The following RADX variants were observed in gnomAD, a reference collection of about 807,000 sequenced individuals.
The protein encoded by RADX is RPA-related protein RADX.
Under a neutral mutation model 61.6 loss-of-function variants are expected in RADX, and 36 were observed. The observed-to-expected ratio is 0.58, with a 90% CI of 0.45 to 0.77. The LOEUF (loss-of-function observed/expected upper bound fraction) is 0.77, where lower values mean the gene tolerates loss of function less well. Ranked by LOEUF, RADX falls within the 30% of genes least tolerant of loss-of-function variation. The pLI, the probability that RADX is intolerant of heterozygous loss-of-function variation, is 0.00. For missense variants in RADX, 497 were observed against 651.1 expected, an observed-to-expected ratio of 0.76 and a Z score of 2.58; for synonymous variants, 272 against 237.9, an observed-to-expected ratio of 1.14 and a Z score of -1.32.
intron 11 of RADX, among the ~76,000 whole-genome samples, chrX:106,652,444 T>C (rs189764868): frequency 5.7e-4 from 63 of 111,262 alleles, no homozygotes; most frequent in African/African-American, 2.0e-3. Context: ...GGTATAGCAA[T>C]ATTCATATGA....
chrX:106,667,634 G>GT (rs1269545422), intron 12 of RADX, among the ~76,000 whole-genome samples: 2 of 111,371 alleles, frequency 1.8e-5, no homozygotes, highest in African/African-American at 6.5e-5. Flanking sequence ...CAGAACTCTA[G>GT]TTTTAATCAA....
At chrX:106,633,051 A>G in intron 5 of RADX, 28 bp downstream of exon 5, 1 of 1,181,382 alleles carries the variant, frequency 8.5e-7, no homozygotes, top group Non-Finnish European at 1.2e-6. Context: ...AAAATCATAA[A>G]AAGTATTTCA....
At chrX:106,621,233 T>C (rs1175349649) in intron 1 of RADX, among the ~76,000 whole-genome samples, 4 of 112,238 alleles carry the variant, frequency 3.6e-5, no homozygotes, top group African/African-American at 6.5e-5. Flanking sequence ...TGGGAGAATC[T>C]GGAAGGAAAA....
chrX:106,621,539 A>G (rs1926941073), intron 1 of RADX, among the ~76,000 whole-genome samples: 1 of 112,294 alleles, frequency 8.9e-6, no homozygotes, highest in Non-Finnish European at 1.9e-5. Flanking sequence ...ATACATCAGT[A>G]TTACAAATTA....
intron 3 of RADX, among the ~76,000 whole-genome samples, chrX:106,629,180 T>A (rs985990988): frequency 9.0e-6 from 1 of 111,564 alleles, no homozygotes; most frequent in Non-Finnish European, 1.9e-5. Flanking sequence ...CAACAAGAAT[T>A]TTTGATTTTG....
chrX:106,655,274 C>T (rs920260505), intron 11 of RADX, among the ~76,000 whole-genome samples: 1 of 107,644 alleles, frequency 9.3e-6, no homozygotes, highest in East Asian at 2.9e-4. Context: ...TTGCCTTATG[C>T]TGATGGCTGT....
At chrX:106,664,953 C>A (rs1928193238) in intron 12 of RADX, among the ~76,000 whole-genome samples, 1 of 111,550 alleles carries the variant, frequency 9.0e-6, no homozygotes, top group African/African-American at 3.3e-5. Flanking sequence ...ACTTCAAGTA[C>A]TATCTGTATT....
chrX:106,673,089 C>T (rs778475150), intron 13 of RADX, among the ~76,000 whole-genome samples: 4 of 111,880 alleles, frequency 3.6e-5, no homozygotes, highest in Non-Finnish European at 7.5e-5. Flanking sequence ...GTCCTGGAAT[C>T]GGGAACCCCA....
chrX:106,653,686 A>C (rs992194857), intron 11 of RADX, among the ~76,000 whole-genome samples: 1 of 110,276 alleles, frequency 9.1e-6, no homozygotes, highest in African/African-American at 3.3e-5. Flanking sequence ...TCCCTCCCCT[A>C]GCCCCCAACA....
chrX:106,626,347 T>C (rs1343800738), intron 3 of RADX, among the ~76,000 whole-genome samples: 2 of 112,145 alleles, frequency 1.8e-5, no homozygotes, highest in African/African-American at 6.5e-5. Context: ...AAAAACCTTA[T>C]ATGATTATTT....
At chrX:106,643,082 T>C (rs1927562173) in intron 10 of RADX, among the ~76,000 whole-genome samples, 1 of 111,494 alleles carries the variant, frequency 9.0e-6, no homozygotes, top group Non-Finnish European at 1.9e-5. Flanking sequence ...TGATGATCAG[T>C]GATGTTGAGC....
chrX:106,674,972 C>T (rs983444035), intron 13 of RADX, among the ~76,000 whole-genome samples: 1 of 104,899 alleles, frequency 9.5e-6, no homozygotes, highest in Non-Finnish European at 2.0e-5. Flanking sequence ...TGCAGTGAGC[C>T]GAGATCTCAC....
At chrX:106,668,989 A>G (rs1192514451) in intron 12 of RADX, among the ~76,000 whole-genome samples, 174 bp from the exon 13 acceptor site, 1 of 111,988 alleles carries the variant, frequency 8.9e-6, no homozygotes, top group Non-Finnish European at 1.9e-5. Context: ...TCTTTCAACA[A>G]ATACCATGTA....
At chrX:106,662,369 G>T in intron 12 of RADX, 64 bp downstream of exon 12, 4 of 1,038,558 alleles carry the variant, frequency 3.9e-6, no homozygotes, top group Non-Finnish European at 5.1e-6. Context: ...CTACTATTTC[G>T]CTTTAAAAAT....
intron 10 of RADX, among the ~76,000 whole-genome samples, chrX:106,642,545 A>G (rs1927543476): frequency 9.0e-6 from 1 of 111,607 alleles, no homozygotes; most frequent in South Asian, 3.7e-4. Context: ...ACTTAACATA[A>G]TGATCTCCAG....
intron 11 of RADX, among the ~76,000 whole-genome samples, chrX:106,654,837 T>A (rs1358554651): frequency 9.0e-6 from 1 of 111,374 alleles, no homozygotes; most frequent in Admixed American, 9.6e-5. Context: ...TGGGAGAAAA[T>A]TTTTGCAATG....
rs747153947 is a variant in RADX, at chrX:106,668,589, C to A, written c.2270-574C>A. ...ATCTACCCCAACTGACATTGACCCACATAAAAAGATGACAGCCAAAGGTCA... is the reference window on the plus strand; with the variant it reads ...ATCTACCCCAACTGACATTGACCCAAATAAAAAGATGACAGCCAAAGGTCA... On this transcript the variant is annotated intron_variant, in intron 12 of 13. Coordinates refer to ENST00000372548, the MANE Select transcript of RADX (RefSeq NM_018015.6). Among the ~76,000 whole-genome samples, 10 of 112,013 alleles carry A rather than the reference C, an allele frequency of 8.9e-5. No individual in the cohort carries two copies. In the East Asian group the frequency reaches 2.2e-3, roughly 25 times the overall value.
chrX:106,637,619 G>A (rs1031596347), intron 7 of RADX, 141 bp from the exon 8 acceptor site: 10 of 464,811 alleles, frequency 2.2e-5, no homozygotes, highest in Non-Finnish European at 3.6e-5. Context: ...TAGTGAATAA[G>A]TAAACTTGAC....
At chrX:106,655,545 A>G (rs917773301) in intron 11 of RADX, among the ~76,000 whole-genome samples, 1 of 108,233 alleles carries the variant, frequency 9.2e-6, no homozygotes, top group Non-Finnish European at 1.9e-5. Flanking sequence ...CCTGTGTCCA[A>G]GTGTTCTCAT....
Sources: allele counts gnomAD v4.1 joint callset (sites outside exome capture counted in the v4.1 genomes callset), GRCh38; gene constraint gnomAD v4.1.1; transcripts MANE v1.5; gene names NCBI Gene and HGNC (gene_info 2026-07-23, HGNC 2026-07-21).